The following SLC24A1 variants were observed in gnomAD, a reference collection of about 807,000 sequenced individuals.
SLC24A1 encodes the protein solute carrier family 24 member 1.
In SLC24A1, 52 loss-of-function variants were observed where a neutral mutation model predicts 88.1. The ratio of observed to expected loss-of-function variants is 0.59; its 90% confidence interval spans 0.47 to 0.74. The LOEUF is 0.74. SLC24A1 is among the 30% of genes least tolerant of loss of function. The pLI, the probability that SLC24A1 is intolerant of heterozygous loss-of-function variation, is 0.00. For synonymous variants in SLC24A1, 455 were observed against 498.0 expected (o/e 0.91, Z 1.15); for missense variants, 1,173 against 1,363.3 (o/e 0.86, Z 2.20).
intron 2 of SLC24A1, among the ~76,000 whole-genome samples, chr15:65,634,280 G>A (rs770350358): frequency 6.6e-6 from 1 of 152,314 alleles, no homozygotes; most frequent in East Asian, 1.9e-4. Context: ...AGGAATTGCT[G>A]TATCAGTGGG....
Position 65,625,503 on chromosome 15 carries a change from G to A in SLC24A1, c.1423G>A (p.Glu475Lys), listed in dbSNP as rs1053607945. 2 of 1,614,016 alleles carry A rather than the reference G, an allele frequency of 1.2e-6. No individual in the cohort carries two copies. The highest frequency in any genetic ancestry group is 1.7e-6 in the Non-Finnish European group (2 of 1,179,882). ...TGTGGCCTTGGCCATTGTTTGCGAC[G>A]AGTACTTCGTTCCAGCCCTGGGTGT... Reference protein sequence around the residue: ...VFVALAIVCDEYFVPALGVIT... With the variant: ...VFVALAIVCDKYFVPALGVIT... The change falls in exon 2 of 10, where the codon GAG (glutamate) becomes AAG (lysine). Residue 475 changes from glutamate (E) to lysine (K), a missense_variant. Transcript: ENST00000261892.
chr15:65,644,382 G>A (rs1191118773), intron 4 of SLC24A1, 45 bp from the exon 5 acceptor site: 53 of 1,337,662 alleles, frequency 4.0e-5, no homozygotes, highest in Non-Finnish European at 5.4e-5. Context: ...TGGCAGGGAT[G>A]ATCCTACAAT....
intron 6 of SLC24A1, among the ~76,000 whole-genome samples, chr15:65,646,925 C>G (rs897471232): frequency 3.3e-5 from 5 of 152,130 alleles, no homozygotes; most frequent in African/African-American, 1.2e-4. Flanking sequence ...AGAGGTATTC[C>G]CTGGAATCCC....
rs1566965297 is a variant in SLC24A1 at position 65,650,669 on chromosome 15, A to G, written c.2520A>G (p.Glu840=). Residue 840 remains glutamate, a synonymous_variant, in exon 7 of 10, where the codon GAA becomes GAG. Coordinates refer to ENST00000261892, the MANE Select transcript of SLC24A1 (RefSeq NM_004727.3). The surrounding 1 kb of genome is among the most constrained non-coding windows in gnomAD (Gnocchi z 4.1). ...SQELSAENHG[E]AKNDEKGVED... is the part of the protein sequence containing the mutation. ...AACTCAGTGCTGAAAATCACGGTGAAGCCAAAAATGATGAGAAAGGTGTAG... is the reference window on the plus strand; with the variant it reads ...AACTCAGTGCTGAAAATCACGGTGAGGCCAAAAATGATGAGAAAGGTGTAG... The G allele has an allele frequency of 7.8e-6, 12 of 1,547,192 alleles. No individual in the cohort carries two copies. Among genetic ancestry groups the G allele is most frequent in the East Asian group, 2.4e-5 (1 of 40,872 alleles).
At chr15:65,643,227 A>G (rs550538508) in intron 4 of SLC24A1, among the ~76,000 whole-genome samples, 9 of 152,356 alleles carry the variant, frequency 5.9e-5, no homozygotes, top group African/African-American at 1.9e-4. Flanking sequence ...GTCCACAGCT[A>G]TAGCGCAAGT....
chr15:65,634,740 C>CAAAAAAAAAAAAAAAAAAG, intron 2 of SLC24A1, among the ~76,000 whole-genome samples: 1 of 90,536 alleles, frequency 1.1e-5, no homozygotes, highest in Non-Finnish European at 2.2e-5. Context: ...TCAAAAGCAC[C>CAAAAAAAAAAAAAAAAAAG]AAAAAAAAAA....
chr15:65,624,099 A>G lies in SLC24A1; in HGVS notation c.19A>G (p.Met7Val). The change falls in exon 2 of 10, where the codon ATG (methionine) becomes GTG (valine). Residue 7 changes from methionine (M) to valine (V), a missense_variant. Physicochemically the swap from Met to Val is conservative, Grantham distance 21. Transcript: ENST00000261892. MGKLIR[M>V]GPQERWLLRT... ...GGCCAGCATGGGGAAATTGATCAGG[A>G]TGGGGCCGCAAGAGAGGTGGTTACT... The G allele has an allele frequency of 6.2e-7, 1 of 1,603,906 alleles. No homozygotes were observed. The highest frequency in any genetic ancestry group is 8.5e-7 in the Non-Finnish European group (1 of 1,175,460).
chr15:65,611,455 C>G (rs972288567), exon 1 of SLC24A1: 29 of 508,204 alleles, frequency 5.7e-5, no homozygotes, highest in Non-Finnish European at 7.5e-5. Context: ...CCCTTCTGCC[C>G]CACTGACCCA....
At chr15:65,630,238 C>T (rs865905282) in intron 2 of SLC24A1, among the ~76,000 whole-genome samples, 5 of 152,208 alleles carry the variant, frequency 3.3e-5, no homozygotes, top group Admixed American at 6.5e-5. Context: ...AATCCTCTCA[C>T]CTTGACCTCC....
Position 65,654,457 on chromosome 15 carries a change from C to T in SLC24A1, c.*378C>T. On this transcript the variant is annotated 3_prime_UTR_variant, in exon 10 of 10. Coordinates refer to ENST00000261892, the MANE Select transcript of SLC24A1 (RefSeq NM_004727.3). ...CACTGTTCCCTGATCATTCCAAAGG[C>T]TGCTGGCCCAAAAGATGCAGATGTG... The T allele has an allele frequency of 8.6e-7, 1 of 1,163,258 alleles. No individual in the cohort carries two copies. The highest frequency in any genetic ancestry group is 1.1e-6 in the Non-Finnish European group (1 of 935,088). The allele number at this position is 1,163,258 out of a possible 1,614,324, so 72.1% of individuals were successfully genotyped here.
chr15:65,626,691 G>A (rs552987485), intron 2 of SLC24A1, among the ~76,000 whole-genome samples: 6 of 152,220 alleles, frequency 3.9e-5, no homozygotes, highest in East Asian at 1.9e-4. Context: ...TTCTCTGCCC[G>A]CTTGAGGGAC....
In SLC24A1 at chr15:65,656,070, C is replaced by T; in HGVS notation, c.*1991C>T. 1.0e-6 allele frequency: 1 copy of T among 985,350 alleles called. No individual in the cohort carries two copies. The highest frequency in any genetic ancestry group is 1.2e-6 in the Non-Finnish European group (1 of 829,922). The allele number at this position is 985,350 out of a possible 1,614,324, so 61.0% of individuals were successfully genotyped here. On this transcript the variant is annotated 3_prime_UTR_variant, in exon 10 of 10. Coordinates refer to ENST00000261892, the MANE Select transcript of SLC24A1 (RefSeq NM_004727.3). ...TGCTTGTGGGAGGGAGGTCCCAATACCAAAATTCTGGGCACTAACCTGGTG... is the reference window on the plus strand; with the variant it reads ...TGCTTGTGGGAGGGAGGTCCCAATATCAAAATTCTGGGCACTAACCTGGTG...
chr15:65,619,501 A>G (rs1321196420), upstream of SLC24A1, among the ~76,000 whole-genome samples: 1 of 152,124 alleles, frequency 6.6e-6, no homozygotes, highest in Non-Finnish European at 1.5e-5. Flanking sequence ...ACCTAAAGGC[A>G]TTAAAATTTG....
intron 2 of SLC24A1, among the ~76,000 whole-genome samples, chr15:65,614,003 C>A (rs527697953): frequency 6.6e-6 from 1 of 152,172 alleles, no homozygotes; most frequent in Admixed American, 6.5e-5. Context: ...CAGCCCCTTC[C>A]TCTCATCATT....
intron 9 of SLC24A1, 89 bp downstream of exon 9, chr15:65,652,897 T>C (rs1379254886): frequency 5.6e-6 from 6 of 1,064,948 alleles, no homozygotes; most frequent in Non-Finnish European, 8.0e-6. Flanking sequence ...GCTTTATTCA[T>C]TATACATAGA....
At position 65,625,723 on chromosome 15, in the gene SLC24A1, G is replaced by A. The variant is rs201522480; in HGVS notation, c.1643G>A (p.Arg548Gln). ...FVIGTCSLFS[R>Q]EILNLTWWPL... ...ATTGGCACTTGTTCCCTCTTCTCCC[G>A]AGAGATCCTCAACCTCACCTGGTGG... The change falls in exon 2 of 10, where the codon CGA (arginine) becomes CAA (glutamine). Residue 548 changes from arginine (R) to glutamine (Q), a missense_variant. Arg to Gln is a conservative substitution (Grantham distance 43). Coordinates refer to ENST00000261892, the MANE Select transcript of SLC24A1 (RefSeq NM_004727.3). The A allele has an allele frequency of 2.8e-5, 45 of 1,613,934 alleles. No homozygotes were observed. In the South Asian group the frequency reaches 2.9e-4, roughly 10 times the overall value.
In SLC24A1 at chr15:65,645,664, A is replaced by G. The variant is rs1378462099; in HGVS notation, c.2193A>G (p.Pro731=). 18 of 1,580,952 alleles carry G rather than the reference A, an allele frequency of 1.1e-5. No individual in the cohort carries two copies. Among genetic ancestry groups the G allele is most frequent in the Non-Finnish European group, 1.5e-5 (18 of 1,163,406 alleles). The change falls in exon 6 of 10, where the codon CCA becomes CCG. Residue 731 remains proline (P), a synonymous_variant. Coordinates refer to ENST00000261892, the MANE Select transcript of SLC24A1 (RefSeq NM_004727.3). ...TCACGGTCACACCAGCCCCTGTTCC[A>G]GACATCAAGGGAGATCAGAAGGAGA... ...PAVTVTPAPV[P]DIKGDQKENP...
At chr15:65,620,449 C>A (rs1175848179), upstream of SLC24A1, among the ~76,000 whole-genome samples, 1 of 152,174 alleles carries the variant, frequency 6.6e-6, no homozygotes, top group Admixed American at 6.5e-5. Flanking sequence ...TCATTATCAT[C>A]CTCATTTTAC....
intron 4 of SLC24A1, among the ~76,000 whole-genome samples, chr15:65,643,283 G>T (rs1262457425): frequency 6.6e-6 from 1 of 152,220 alleles, no homozygotes; most frequent in South Asian, 2.1e-4. Context: ...TCAGAATTGT[G>T]CTAAAGGAAC....
Sources: gnomAD v4.1 joint callset for allele counts (sites outside exome capture counted in the v4.1 genomes callset) on GRCh38, gnomAD v4.1.1 for gene constraint, Gnocchi (gnomAD v3.1) non-coding constraint, MANE v1.5 for transcripts, NCBI Gene and HGNC (gene_info 2026-07-23, HGNC 2026-07-21) for gene names.